Variants in MED12L observed in about 807,000 individuals in gnomAD.
The protein encoded by MED12L is mediator complex subunit 12L.
A neutral mutation model predicts 281.3 loss-of-function variants in MED12L; 60 were observed. The observed-to-expected ratio is 0.21, with a 90% CI of 0.17 to 0.26. The LOEUF is 0.26. MED12L is among the 10% of genes least tolerant of loss of function. MED12L has a pLI of 1.00. For synonymous variants in MED12L, 974 were observed against 987.2 expected (o/e 0.99, Z 0.25); for missense variants, 2,146 against 2,680.9 (o/e 0.80, Z 4.41).
intron 2 of MED12L, among the ~76,000 whole-genome samples, chr3:151,102,862 G>A (rs540727369): frequency 3.9e-5 from 6 of 152,116 alleles, no homozygotes; most frequent in South Asian, 2.1e-4. Context: ...TGTGCTGAGC[G>A]TGGGGTCAGA....
At position 151,206,889 on chromosome 3, in the gene MED12L, C is replaced by G. The variant is rs1009620227; in HGVS notation, c.2250+13223C>G. Reference sequence around the variant, plus strand: ...TCGATCTCCTGACCTCGTGATCCACCTGCCTCGGCCTCCCACAGTGCTGGG... The same window carrying G: ...TCGATCTCCTGACCTCGTGATCCACGTGCCTCGGCCTCCCACAGTGCTGGG... On this transcript the variant is annotated intron_variant, in intron 16 of 44. Transcript: ENST00000687756. Among the ~76,000 whole-genome samples the G allele has an allele frequency of 4.2e-4, 64 of 151,972 alleles. 1 individual carries two copies. Among genetic ancestry groups the G allele is most frequent in the Non-Finnish European group, 1.0e-4 (7 of 67,990 alleles).
intron 32 of MED12L, among the ~76,000 whole-genome samples, chr3:151,380,923 T>C (rs62285881): frequency 0.067 from 10,238 of 152,280 alleles, 487 homozygotes; most frequent in Middle Eastern, 0.18. Context: ...GCTTGAAATC[T>C]GTAGGTTCAG....
At chr3:151,298,500 A>G (rs922293972) in intron 16 of MED12L, among the ~76,000 whole-genome samples, 4 of 152,226 alleles carry the variant, frequency 2.6e-5, no homozygotes, top group African/African-American at 7.2e-5. Context: ...TGGATTGTAT[A>G]GTGCAGGGCT....
At chr3:151,426,376 G>A (rs1718874222) in intron 43 of MED12L, among the ~76,000 whole-genome samples, 1 of 152,208 alleles carries the variant, frequency 6.6e-6, no homozygotes, top group Admixed American at 6.5e-5. Flanking sequence ...ATGCTCAGTA[G>A]TGAGGCTTCT....
At chr3:151,425,657 C>T in intron 43 of MED12L, 1 of 456,546 alleles carries the variant, frequency 2.2e-6, no homozygotes, top group Non-Finnish European at 4.4e-6. Flanking sequence ...TTATACCTGA[C>T]AGTAGTAAGC....
chr3:151,112,423 ATG>A (rs1028890512), intron 2 of MED12L, among the ~76,000 whole-genome samples: 3 of 151,756 alleles, frequency 2.0e-5, no homozygotes, highest in Admixed American at 2.0e-4. Context: ...TCAAAGTCTA[ATG>A]TGTCCATGAA....
chr3:151,296,883 C>A (rs760567965), intron 16 of MED12L, among the ~76,000 whole-genome samples: 10 of 152,082 alleles, frequency 6.6e-5, no homozygotes, highest in Non-Finnish European at 1.5e-4. Flanking sequence ...AATTTAAGCC[C>A]TCACTGCCCT....
intron 11 of MED12L, among the ~76,000 whole-genome samples, chr3:151,177,790 G>A (rs1403872472): frequency 6.6e-6 from 1 of 152,074 alleles, no homozygotes; most frequent in East Asian, 1.9e-4. Context: ...ACTGCACCTG[G>A]CCAATAAATA....
At chr3:151,145,074 T>A (rs530878465) in intron 5 of MED12L, among the ~76,000 whole-genome samples, 2 of 152,268 alleles carry the variant, frequency 1.3e-5, no homozygotes, top group East Asian at 3.9e-4. Context: ...TCAAAATAAT[T>A]CTGTATAGGC....
At chr3:151,258,851 C>CAAAA (rs63714361) in intron 16 of MED12L, among the ~76,000 whole-genome samples, 2 of 89,930 alleles carry the variant, frequency 2.2e-5, no homozygotes, top group Admixed American at 1.1e-4. Context: ...GATTCTGTCT[C>CAAAA]AAAAAAAAAA....
chr3:151,089,249 C>T (rs1310400894), intron 2 of MED12L, among the ~76,000 whole-genome samples: 2 of 152,040 alleles, frequency 1.3e-5, no homozygotes, highest in African/African-American at 4.8e-5. Context: ...ATATTACATG[C>T]ACACACGTAT....
intron 11 of MED12L, among the ~76,000 whole-genome samples, chr3:151,171,218 C>A (rs1721385152): frequency 6.6e-6 from 1 of 152,154 alleles, no homozygotes; most frequent in Non-Finnish European, 1.5e-5. Context: ...GACAGTGGGA[C>A]CCCTGGTTTC....
chr3:151,161,280 A>G (rs982445298), intron 8 of MED12L, among the ~76,000 whole-genome samples: 1 of 136,574 alleles, frequency 7.3e-6, no homozygotes, highest in Non-Finnish European at 1.5e-5. Context: ...AGAACCTCCA[A>G]ATGGATATGT....
intron 16 of MED12L, among the ~76,000 whole-genome samples, chr3:151,312,080 T>C (rs1355493220): frequency 6.6e-6 from 1 of 152,198 alleles, no homozygotes; most frequent in African/African-American, 2.4e-5. Flanking sequence ...TTGCAGTTTT[T>C]CCCAATTTGT....
intron 16 of MED12L, chr3:151,294,861 T>C (rs749754001): frequency 3.7e-6 from 6 of 1,614,056 alleles, no homozygotes; most frequent in Non-Finnish European, 4.2e-6. Context: ...AGGAACACGA[T>C]GGAAGTATAC....
At chr3:151,262,501 C>T (rs1479353106) in intron 16 of MED12L, among the ~76,000 whole-genome samples, 1 of 152,322 alleles carries the variant, frequency 6.6e-6, no homozygotes. Context: ...ATAGACTTTA[C>T]ATAGTTCAGC....
intron 24 of MED12L, 60 bp downstream of exon 24, chr3:151,367,826 C>G: frequency 1.9e-6 from 3 of 1,548,804 alleles, no homozygotes; most frequent in Non-Finnish European, 2.6e-6. Flanking sequence ...GGAGTGGTTT[C>G]TAACATTACA....
In MED12L at chr3:151,086,827, G is replaced by A. The variant is rs1050954651; in HGVS notation, c.-100G>A. 1.1e-6 allele frequency: 1 copy of A among 888,048 alleles called. No homozygotes were observed. Among genetic ancestry groups the A allele is most frequent in the Non-Finnish European group, 1.7e-6 (1 of 585,454 alleles). 55.0% of individuals were successfully genotyped at this position (888,048 alleles called of 1,614,324 possible). A position where few individuals can be genotyped will look rare whatever the true frequency, so the allele number is the denominator to read the frequency against. On this transcript the variant is annotated 5_prime_UTR_variant, in exon 2 of 45. Transcript: ENST00000687756. ...ACAGCGAGCGAGCGAGCGAGGAGGG[G>A]GAGAGAGGGAGTCTGTCTGCAAAGT...
At chr3:151,256,674 A>G (rs1005638168) in intron 16 of MED12L, among the ~76,000 whole-genome samples, 7 of 152,236 alleles carry the variant, frequency 4.6e-5, no homozygotes, top group African/African-American at 1.2e-4. Flanking sequence ...AGTTTCTCGT[A>G]TTTTAAGATC....
Sources: gnomAD v4.1 joint callset for allele counts (sites outside exome capture counted in the v4.1 genomes callset) on GRCh38, gnomAD v4.1.1 for gene constraint, MANE v1.5 for transcripts, NCBI Gene and HGNC (gene_info 2026-07-23, HGNC 2026-07-21) for gene names.